The following ZNF211 variants were observed in gnomAD, a reference collection of about 807,000 sequenced individuals.
ZNF211 encodes zinc finger protein 211.
ZNF211 carries 18 observed loss-of-function variants against 12.1 expected under a neutral mutation model. That is an observed-to-expected ratio of 1.48 (90% confidence interval 1.03 to 2.20). The LOEUF is 2.20. Among genes scored for constraint, ZNF211 ranks in the 30% most tolerant of loss-of-function variants. The pLI is 0.00. For missense variants in ZNF211, 677 were observed against 703.1 expected (o/e 0.96, Z 0.42); for synonymous variants, 249 against 246.0 (o/e 1.01, Z -0.11).
At position 57,643,952 on chromosome 19, in the gene ZNF211, T is replaced by G. The variant is rs1216609792; in HGVS notation, c.*1771T>G. ...TTTTTATTGCTGAGTGGTATATTTT[T>G]TATGGATATACTATTTGTTATCCAT... is the stretch of plus-strand genomic sequence containing the variant. On this transcript the variant is annotated 3_prime_UTR_variant, in exon 4 of 4. Transcript: ENST00000240731. Among the ~76,000 whole-genome samples the G allele has an allele frequency of 6.6e-6, 1 of 152,250 alleles. No individual in the cohort carries two copies. The highest frequency in any genetic ancestry group is 1.5e-5 in the Non-Finnish European group (1 of 68,038).
intron 3 of ZNF211, chr19:57,639,854 T>G (rs1982649329): frequency 6.9e-7 from 1 of 1,443,084 alleles, no homozygotes; most frequent in Non-Finnish European, 9.1e-7. Flanking sequence ...TTGTTCTTTT[T>G]TGTGCCGTGT....
At chr19:57,639,860 C>T (rs1402841446) in intron 3 of ZNF211, 31 of 1,445,634 alleles carry the variant, frequency 2.1e-5, no homozygotes, top group African/African-American at 8.6e-5. Flanking sequence ...TTTTTTGTGC[C>T]GTGTTGTTCT....
rs1982879613 is a variant in ZNF211, at chr19:57,641,244, GAGA to G, written c.800_802del (p.Glu267del). Reference sequence around the variant, plus strand: ...GTTCAGGACCAGAGAATCCTCACTAGAGAAGGACTTTTTGAGTGCAGTAAATGT... The same window carrying G: ...GTTCAGGACCAGAGAATCCTCACTAGAGGACTTTTTGAGTGCAGTAAATGT... On this transcript the variant is annotated inframe_deletion, in exon 4 of 4. Coordinates refer to ENST00000240731, the MANE Select transcript of ZNF211 (RefSeq NM_006385.5). The G allele has an allele frequency of 1.9e-6, 3 of 1,614,244 alleles. No homozygotes were observed. The highest frequency in any genetic ancestry group is 2.5e-6 in the Non-Finnish European group (3 of 1,180,052).
In ZNF211 at chr19:57,633,302, A is replaced by C; in HGVS notation, c.-45A>C. 1.3e-6 allele frequency: 2 copies of C among 1,495,896 alleles called. No homozygotes were observed. The highest frequency in any genetic ancestry group is 2.6e-5 in the South Asian group (2 of 77,910). The allele number at this position is 1,495,896 out of a possible 1,614,324, so 92.7% of individuals were successfully genotyped here. A position where few individuals can be genotyped will look rare whatever the true frequency, so the allele number is the denominator to read the frequency against. On this transcript the variant is annotated 5_prime_UTR_variant, in exon 1 of 4. Transcript: ENST00000240731. ...CGTGAAGGCGCGAGAGTCAGGTCTG[A>C]GGGTCGGGGGCAGAGCCGCCCGCGA... is the stretch of plus-strand genomic sequence containing the variant.
At position 57,641,832 on chromosome 19, in the gene ZNF211, G is replaced by C. The variant is rs527236441; in HGVS notation, c.1385G>C (p.Gly462Ala). The part of the protein sequence containing the change: ...SFSSHRKVHT[G>A]ERPYVCGECG... ...AGTTCACATCGGAAAGTCCACACAGGGGAAAGGCCTTATGTGTGTGGGGAA... is the reference window on the plus strand; with the variant it reads ...AGTTCACATCGGAAAGTCCACACAGCGGAAAGGCCTTATGTGTGTGGGGAA... The change falls in exon 4 of 4, where the codon GGG becomes GCG. Residue 462 changes from glycine to alanine, a missense_variant. By Grantham distance (60) the Gly-to-Ala change is moderately conservative (BLOSUM62 0). Coordinates refer to ENST00000240731, the MANE Select transcript of ZNF211 (RefSeq NM_006385.5). 120 of 1,614,036 alleles carry C rather than the reference G, an allele frequency of 7.4e-5. 1 individual carries two copies. The South Asian group carries it at 1.2e-3, about 16-fold the overall frequency.
rs1359455707 is a variant in ZNF211 at position 57,641,993 on chromosome 19, C to A, written c.1546C>A (p.His516Asn). 6.2e-7 allele frequency: 1 copy of A among 1,614,222 alleles called. No homozygotes were observed. Reference protein sequence around the residue: ...KSNLIKHLRVHTGERPYECSE... With the variant: ...KSNLIKHLRVNTGERPYECSE... ...TAACCTCATTAAACACCTGAGAGTTCACACTGGAGAAAGGCCTTATGAGTG... is the reference window on the plus strand; with the variant it reads ...TAACCTCATTAAACACCTGAGAGTTAACACTGGAGAAAGGCCTTATGAGTG... The change falls in exon 4 of 4, where the codon CAC becomes AAC. Residue 516 changes from histidine to asparagine, a missense_variant. Coordinates refer to ENST00000240731, the MANE Select transcript of ZNF211 (RefSeq NM_006385.5).
chr19:57,638,157 C>T (rs550261288), intron 3 of ZNF211, among the ~76,000 whole-genome samples: 1 of 152,226 alleles, frequency 6.6e-6, no homozygotes, highest in East Asian at 1.9e-4. Flanking sequence ...CCTCAGCTTC[C>T]CAAAGTGCTG....
chr19:57,635,178 G>A (rs1255740177), intron 3 of ZNF211, among the ~76,000 whole-genome samples: 2 of 152,092 alleles, frequency 1.3e-5, no homozygotes, highest in Non-Finnish European at 2.9e-5. Context: ...AACAAATTGT[G>A]CCGCAGAGAC....
intron 3 of ZNF211, chr19:57,640,024 G>A (rs1340998156): frequency 6.5e-7 from 1 of 1,536,040 alleles, no homozygotes; most frequent in South Asian, 1.2e-5. Context: ...ATCAGAGAGG[G>A]CCTGGCCTAC....
chr19:57,640,631 T>C, intron 3 of ZNF211, 73 bp from the exon 4 acceptor site: 3 of 1,549,650 alleles, frequency 1.9e-6, no homozygotes, highest in East Asian at 2.3e-5. Flanking sequence ...CTGTAACTGA[T>C]GTGCATTTGC....
At chr19:57,633,565 C>T in intron 1 of ZNF211, 129 bp downstream of exon 1, 1 of 1,503,032 alleles carries the variant, frequency 6.7e-7, no homozygotes, top group Non-Finnish European at 8.8e-7. Context: ...CTATTTCTGA[C>T]ATCCGATGTG....
chr19:57,636,015 A>G (rs145925987), intron 3 of ZNF211, among the ~76,000 whole-genome samples: 13 of 152,282 alleles, frequency 8.5e-5, no homozygotes, highest in South Asian at 2.1e-4. Flanking sequence ...GGCTATTTGT[A>G]TATCTTCAAA....
chr19:57,633,605 C>A, intron 1 of ZNF211, 169 bp downstream of exon 1: 1 of 1,528,260 alleles, frequency 6.5e-7, no homozygotes, highest in Non-Finnish European at 8.7e-7. Context: ...ACAGGACCGG[C>A]GCGTGCAGGG....
In ZNF211 at chr19:57,640,798, A is replaced by G. The variant is rs146640869; in HGVS notation, c.351A>G (p.Ser117=). 6.1e-5 allele frequency: 99 copies of G among 1,614,240 alleles called. No individual in the cohort carries two copies. The African/African-American group carries it at 1.1e-3, about 18-fold the overall frequency. The change falls in exon 4 of 4, where the codon TCA becomes TCG. Residue 117 remains serine, a synonymous_variant. Transcript: ENST00000240731. The part of the protein sequence containing the change: ...VPQFRTSKEG[S]SSQNADSCEI... ...AGTTCAGGACTTCCAAAGAAGGTTCATCTTCCCAGAATGCCGACTCCTGTG... is the reference window on the plus strand; with the variant it reads ...AGTTCAGGACTTCCAAAGAAGGTTCGTCTTCCCAGAATGCCGACTCCTGTG...
rs201253365 is a variant in ZNF211, at chr19:57,641,802, G to A, written c.1355G>A (p.Ser452Asn). 3 of 1,613,820 alleles carry A rather than the reference G, an allele frequency of 1.9e-6. No homozygotes were observed. The East Asian group carries it at 6.7e-5, about 36-fold the overall frequency. ...KCGKSFKQSS[S>N]FSSHRKVHTG... ...GGGAAGTCATTTAAGCAAAGCTCCA[G>A]CTTCAGTTCACATCGGAAAGTCCAC... The change falls in exon 4 of 4, where the codon AGC becomes AAC. Residue 452 changes from serine to asparagine, a missense_variant. Transcript: ENST00000240731.
At chr19:57,633,571 A>G (rs776994896) in intron 1 of ZNF211, 135 bp downstream of exon 1, 201 of 1,506,624 alleles carry the variant, frequency 1.3e-4, no homozygotes, top group Non-Finnish European at 1.7e-4. Flanking sequence ...CTGACATCCG[A>G]TGTGGTGGGC....
At position 57,642,005 on chromosome 19, in the gene ZNF211, A is replaced by T. The variant is rs1199182896; in HGVS notation, c.1558A>T (p.Arg520Trp). Residue 520 changes from arginine to tryptophan, a missense_variant, in exon 4 of 4, where the codon AGG becomes TGG. By Grantham distance (101) the Arg-to-Trp change is moderately radical. Transcript: ENST00000240731. ...ACACCTGAGAGTTCACACTGGAGAAAGGCCTTATGAGTGCAGTGAATGTGG... is the reference window on the plus strand; with the variant it reads ...ACACCTGAGAGTTCACACTGGAGAATGGCCTTATGAGTGCAGTGAATGTGG... ...IKHLRVHTGE[R>W]PYECSECGKS... The T allele has an allele frequency of 3.1e-6, 5 of 1,614,228 alleles. No individual in the cohort carries two copies. The highest frequency in any genetic ancestry group is 4.2e-6 in the Non-Finnish European group (5 of 1,180,040).
At chr19:57,639,770 G>T in intron 3 of ZNF211, 1 of 900,454 alleles carries the variant, frequency 1.1e-6, no homozygotes, top group Non-Finnish European at 1.6e-6. Flanking sequence ...AGTTACCATG[G>T]GGATTACATT....
In ZNF211 at chr19:57,639,914, C is replaced by CTTA. The variant is rs944884582; in HGVS notation, c.257-788_257-786dup. ...CACATGTCCTGTCTTTCCCTTAGGACTTATATCATCCTGGTCTCATGTAGT... is the reference window on the plus strand; with the variant it reads ...CACATGTCCTGTCTTTCCCTTAGGACTTATTATATCATCCTGGTCTCATGTAGT... On this transcript the variant is annotated intron_variant, in intron 3 of 3. Coordinates refer to ENST00000240731, the MANE Select transcript of ZNF211 (RefSeq NM_006385.5). 9.8e-6 allele frequency: 15 copies of CTTA among 1,534,760 alleles called. No homozygotes were observed. The African/African-American group carries it at 1.8e-4, about 18-fold the overall frequency.
Sources: gnomAD v4.1 joint callset for allele counts (sites outside exome capture counted in the v4.1 genomes callset) on GRCh38, gnomAD v4.1.1 for gene constraint, MANE v1.5 for transcripts, NCBI Gene and HGNC (gene_info 2026-07-23, HGNC 2026-07-21) for gene names.